The following ABCB5 variants were observed in gnomAD, a reference collection of about 807,000 sequenced individuals.
ABCB5 encodes ATP binding cassette subfamily B member 5.
In ABCB5, 155 loss-of-function variants were observed where a neutral mutation model predicts 144.2. The ratio of observed to expected loss-of-function variants is 1.08; its 90% CI spans 0.94 to 1.23. The LOEUF (loss-of-function observed/expected upper bound fraction) is 1.23. Among genes scored for constraint, ABCB5 ranks in the 50% most tolerant of loss-of-function variants. The pLI, the probability that ABCB5 is intolerant of heterozygous loss-of-function variation, is 0.00. For synonymous variants in ABCB5, 610 were observed against 528.6 expected (o/e 1.15, Z -2.11); for missense variants, 1,830 against 1,520.8 (o/e 1.20, Z -3.38).
chr7:20,734,972 C>A (rs890440733), intron 23 of ABCB5, among the ~76,000 whole-genome samples: 1 of 152,190 alleles, frequency 6.6e-6, no homozygotes, highest in African/African-American at 2.4e-5. Context: ...CGGCTGGTTT[C>A]CAGCTGACTT....
Position 20,745,373 on chromosome 7 carries a change from T to G in ABCB5, c.3364T>G (p.Leu1122Val), listed in dbSNP as rs201049710. Reference sequence around the variant, plus strand: ...TGGTGACAACAGCCGTGTGGTGCCATTAGATGAGATCAAAGAAGCCGCAAA... The same window carrying G: ...TGGTGACAACAGCCGTGTGGTGCCAGTAGATGAGATCAAAGAAGCCGCAAA... Reference protein sequence around the residue: ...AYGDNSRVVPLDEIKEAANAA... With the variant: ...AYGDNSRVVPVDEIKEAANAA... Residue 1122 changes from leucine (L) to valine (V), a missense_variant, in exon 26 of 28, where the codon TTA becomes GTA. Leu to Val is a conservative substitution (Grantham distance 32). Coordinates refer to ENST00000404938, the MANE Select transcript of ABCB5 (RefSeq NM_001163941.2). 498 of 1,614,162 alleles carry G rather than the reference T, an allele frequency of 3.1e-4. No homozygotes were observed. Among genetic ancestry groups the G allele is most frequent in the Non-Finnish European group, 4.0e-4 (470 of 1,180,036 alleles).
chr7:20,675,395 A>T (rs914011228), intron 14 of ABCB5, among the ~76,000 whole-genome samples: 7 of 152,096 alleles, frequency 4.6e-5, no homozygotes, highest in Non-Finnish European at 7.4e-5. Flanking sequence ...CAATGGGGAA[A>T]GGATGGTTTA....
chr7:20,744,356 A>G (rs1422855418), intron 25 of ABCB5, among the ~76,000 whole-genome samples: 1 of 151,958 alleles, frequency 6.6e-6, no homozygotes, highest in African/African-American at 2.4e-5. Flanking sequence ...AAACACACCT[A>G]TGAACCTTTC....
At chr7:20,689,511 G>A (rs1786136381) in intron 16 of ABCB5, among the ~76,000 whole-genome samples, 1 of 152,170 alleles carries the variant, frequency 6.6e-6, no homozygotes, top group Admixed American at 6.5e-5. Context: ...GCATGTGGGA[G>A]GGTGCAGGCA....
At chr7:20,694,084 T>A (rs1258868354) in intron 16 of ABCB5, among the ~76,000 whole-genome samples, 2 of 149,854 alleles carry the variant, frequency 1.3e-5, no homozygotes. Context: ...ATGACTTCTA[T>A]TAAAAAAAAA....
intron 1 of ABCB5, among the ~76,000 whole-genome samples, chr7:20,622,788 G>A (rs1443724558): frequency 3.3e-5 from 5 of 152,056 alleles, no homozygotes. Flanking sequence ...TGTTAATCCA[G>A]TTTGTGAAAG....
chr7:20,638,961 A>G (rs1784224752), intron 5 of ABCB5, among the ~76,000 whole-genome samples: 1 of 151,946 alleles, frequency 6.6e-6, no homozygotes, highest in Non-Finnish European at 1.5e-5. Flanking sequence ...TGGCTACACC[A>G]TTTTACTGTC....
rs76319445 is a variant in ABCB5, at chr7:20,693,103, A to G, written c.2011-5304A>G. Among the ~76,000 whole-genome samples, 360 of 152,252 alleles carry G rather than the reference A, an allele frequency of 2.4e-3. 4 individuals are homozygous for G. The East Asian group carries it at 0.048, about 20-fold the overall frequency. ...TCAAATGCACTTGAAACATTTACCA[A>G]AATAGACCATATTCTGGACTATAAC... On this transcript the variant is annotated intron_variant, in intron 16 of 27. Coordinates refer to ENST00000404938, the MANE Select transcript of ABCB5 (RefSeq NM_001163941.2).
At chr7:20,700,325 C>T (rs1376115020) in intron 19 of ABCB5, among the ~76,000 whole-genome samples, 190 bp downstream of exon 19, 1 of 151,998 alleles carries the variant, frequency 6.6e-6, no homozygotes, top group African/African-American at 2.4e-5. Context: ...AAAAGTGTGA[C>T]GTTAAAAAAA....
intron 14 of ABCB5, chr7:20,667,621 A>C (rs28656113): frequency 0.65 from 399,494 of 610,820 alleles, 144,850 homozygotes; most frequent in East Asian, 0.76. Context: ...ACGTGGCTTC[A>C]TGAATAAGAT....
At chr7:20,745,894 C>A (rs1051924513) in intron 26 of ABCB5, among the ~76,000 whole-genome samples, 5 of 152,242 alleles carry the variant, frequency 3.3e-5, no homozygotes, top group Admixed American at 2.0e-4. Context: ...CCCACACACC[C>A]CATGGGGAGG....
At chr7:20,746,859 T>C (rs548276163) in intron 26 of ABCB5, among the ~76,000 whole-genome samples, 10 of 152,352 alleles carry the variant, frequency 6.6e-5, no homozygotes, top group African/African-American at 1.9e-4. Context: ...ATGTGATTTT[T>C]ATAAACTAAG....
rs35101575 is a variant in ABCB5 at position 20,665,724 on chromosome 7, A to AAGATAGATAGATAGAT, written c.1707+7076_1707+7091dup. 3.2e-3 allele frequency among the ~76,000 whole-genome samples: 435 copies of AAGATAGATAGATAGAT among 134,554 alleles called. 5 individuals are homozygous for AAGATAGATAGATAGAT. Among genetic ancestry groups the AAGATAGATAGATAGAT allele is most frequent in the African/African-American group, 8.2e-3 (276 of 33,542 alleles). 88.3% of individuals were successfully genotyped at this position (134,554 alleles called of 152,430 possible). The stretch of plus-strand genomic sequence containing the variant: ...TTTATCTGGATGAGATAGAGATGGA[A>AAGATAGATAGATAGAT]AGATAGATAGATAGATAGATAGATA... On this transcript the variant is annotated intron_variant, in intron 14 of 27. Coordinates refer to ENST00000404938, the MANE Select transcript of ABCB5 (RefSeq NM_001163941.2).
chr7:20,755,398 T>C (rs758762729), intron 27 of ABCB5, 29 bp from the exon 28 acceptor site: 8 of 1,606,802 alleles, frequency 5.0e-6, no homozygotes, highest in East Asian at 2.2e-5. Flanking sequence ...TAACTCAAAC[T>C]GGTGATCACA....
chr7:20,673,765 ATGAT>A (rs1360390607), intron 14 of ABCB5, among the ~76,000 whole-genome samples: 2 of 151,986 alleles, frequency 1.3e-5, no homozygotes, highest in Non-Finnish European at 2.9e-5. Flanking sequence ...ATTTAATCTG[ATGAT>A]TGATAGTATA....
intron 16 of ABCB5, among the ~76,000 whole-genome samples, chr7:20,695,145 A>G (rs1453400907): frequency 6.6e-6 from 1 of 151,962 alleles, no homozygotes; most frequent in African/African-American, 2.4e-5. Flanking sequence ...CTACTATATA[A>G]AGCTAATTAC....
intron 19 of ABCB5, among the ~76,000 whole-genome samples, chr7:20,700,705 G>C (rs982991640): frequency 6.6e-6 from 1 of 152,154 alleles, no homozygotes; most frequent in African/African-American, 2.4e-5. Flanking sequence ...TAGTAATCTT[G>C]AGAAGTGAGT....
chr7:20,714,505 C>T (rs893442628), intron 20 of ABCB5, among the ~76,000 whole-genome samples: 2 of 151,930 alleles, frequency 1.3e-5, no homozygotes, highest in Non-Finnish European at 2.9e-5. Context: ...TGTAGTACTC[C>T]TCGAGGCCAA....
At chr7:20,678,985 A>G (rs1257069794) in intron 14 of ABCB5, among the ~76,000 whole-genome samples, 2 of 152,368 alleles carry the variant, frequency 1.3e-5, no homozygotes, top group South Asian at 2.1e-4. Context: ...CAGGTGTTAC[A>G]TATCACATCC....
Sources: allele counts gnomAD v4.1 joint callset (sites outside exome capture counted in the v4.1 genomes callset), GRCh38; gene constraint gnomAD v4.1.1; transcripts MANE v1.5; gene names NCBI Gene and HGNC (gene_info 2026-07-23, HGNC 2026-07-21).